The following WAPL variants were observed in gnomAD, a reference collection of about 807,000 sequenced individuals.
WAPL encodes WAPL cohesin release factor.
WAPL carries 5 observed loss-of-function variants against 121.0 expected under a neutral mutation model. That is an observed-to-expected ratio of 0.04 (90% confidence interval 0.02 to 0.09). The LOEUF (loss-of-function observed/expected upper bound fraction) is 0.09. Among genes scored for constraint, WAPL ranks in the 10% least tolerant of loss-of-function variants. The pLI, the probability that WAPL is intolerant of heterozygous loss-of-function variation, is 1.00. For synonymous variants in WAPL, 480 were observed against 481.5 expected (o/e 1.00, Z 0.04); for missense variants, 999 against 1,410.8 (o/e 0.71, Z 4.68).
chr10:86,442,834 T>C (rs534722194), intron 17 of WAPL, among the ~76,000 whole-genome samples: 48 of 152,202 alleles, frequency 3.2e-4, no homozygotes, highest in African/African-American at 1.2e-3. Flanking sequence ...GGTCAGGAGA[T>C]TGAGACCAAC....
Position 86,466,708 on chromosome 10 carries a change from CT to C in WAPL, c.2370+570del, listed in dbSNP as rs895086532. ...TTCCTAATATACATGTAGTTTCTAC[CT>C]TTTTTTTGAGACAATCTCACTCTGT... On this transcript the variant is annotated intron_variant, in intron 9 of 18. Transcript: ENST00000298767. Among the ~76,000 whole-genome samples, 7 of 151,626 alleles carry C rather than the reference CT, an allele frequency of 4.6e-5. No individual in the cohort carries two copies. In the South Asian group the frequency reaches 1.5e-3, roughly 32 times the overall value.
At chr10:86,450,597 A>T (rs1840956635) in intron 15 of WAPL, among the ~76,000 whole-genome samples, 1 of 152,208 alleles carries the variant, frequency 6.6e-6, no homozygotes, top group Admixed American at 6.5e-5. Context: ...GGTAGGTGCC[A>T]AACATTTTCA....
intron 12 of WAPL, among the ~76,000 whole-genome samples, chr10:86,454,377 C>T (rs1375928205): frequency 2.0e-5 from 3 of 152,096 alleles, no homozygotes; most frequent in Non-Finnish European, 4.4e-5. Flanking sequence ...TCTCCCTCTC[C>T]CTCCACAATC....
Position 86,521,380 on chromosome 10 carries a change from G to A in WAPL, c.-38C>T, listed in dbSNP as rs548794095. On this transcript the variant is annotated 5_prime_UTR_variant, in exon 1 of 19. Transcript: ENST00000298767. ...CCTCACTTACCCTCGGAGCCTGGCG[G>A]GTGCTTTGGCCACGGGCCGCCTCCG... The A allele has an allele frequency of 6.3e-4, 178 of 284,550 alleles. No homozygotes were observed. In the Middle Eastern group the frequency reaches 0.01, roughly 16 times the overall value. 17.6% of individuals were successfully genotyped at this position (284,550 alleles called of 1,614,324 possible).
intron 4 of WAPL, among the ~76,000 whole-genome samples, chr10:86,482,632 A>C (rs1184099722): frequency 2.0e-5 from 3 of 152,230 alleles, no homozygotes; most frequent in Non-Finnish European, 4.4e-5. Context: ...AGTTTTCACA[A>C]AATGATGGGG....
At chr10:86,494,376 A>G (rs1420242644) in intron 4 of WAPL, among the ~76,000 whole-genome samples, 1 of 152,216 alleles carries the variant, frequency 6.6e-6, no homozygotes, top group Non-Finnish European at 1.5e-5. Flanking sequence ...TCTTTACTGG[A>G]AAGATCGACA....
intron 4 of WAPL, among the ~76,000 whole-genome samples, chr10:86,476,550 A>C (rs1239454970): frequency 2.6e-5 from 4 of 151,906 alleles, no homozygotes; most frequent in African/African-American, 9.7e-5. Flanking sequence ...TTAGCCAGGC[A>C]TGGTGGTGAG....
At position 86,453,281 on chromosome 10, in the gene WAPL, T is replaced by C; in HGVS notation, c.2888A>G (p.Asn963Ser). The stretch of plus-strand genomic sequence containing the variant: ...GTACTTTGGAACCTGAAGCACACAG[T>C]TCAGCGCTGTGCCTATGAGACCGTC... Reference protein sequence around the residue: ...EQDGLIGTALNCVLQVPKYLP... With the variant: ...EQDGLIGTALSCVLQVPKYLP... The change falls in exon 14 of 19, where the codon AAC (asparagine) becomes AGC (serine). Residue 963 changes from asparagine to serine, a missense_variant. Asn to Ser is a conservative substitution (Grantham distance 46, BLOSUM62 1). Transcript: ENST00000298767. The C allele has an allele frequency of 1.2e-6, 2 of 1,614,154 alleles. No individual in the cohort carries two copies. Among genetic ancestry groups the C allele is most frequent in the Non-Finnish European group, 1.7e-6 (2 of 1,180,028 alleles).
intron 2 of WAPL, among the ~76,000 whole-genome samples, chr10:86,507,884 T>C (rs1043045485): frequency 3.3e-5 from 5 of 152,284 alleles, no homozygotes; most frequent in Middle Eastern, 3.4e-3. Context: ...TTCCACAGTC[T>C]ATCTTCTCAA....
At chr10:86,438,068 C>T in intron 17 of WAPL, 53 bp from the exon 18 acceptor site, 21 of 1,324,976 alleles carry the variant, frequency 1.6e-5, no homozygotes, top group Non-Finnish European at 2.2e-5. Context: ...CATGAGATTG[C>T]ACCTCGTACA....
intron 4 of WAPL, 85 bp downstream of exon 4, chr10:86,497,116 A>T: frequency 9.2e-7 from 1 of 1,092,158 alleles, no homozygotes; most frequent in Non-Finnish European, 1.3e-6. Flanking sequence ...TATGATGTTT[A>T]TTAGTAACTT....
rs1284707930 is a variant in WAPL at position 86,521,540 on chromosome 10, G to T, written c.-198C>A. On this transcript the variant is annotated 5_prime_UTR_variant, in exon 1 of 19. Coordinates refer to ENST00000298767, the MANE Select transcript of WAPL (RefSeq NM_015045.5). ...GAAGCCCGGTTGGGGGGGCAGGAGC[G>T]GCGGCCCCGCAACTTCCCTCCCCGC... is the stretch of plus-strand genomic sequence containing the variant. The T allele has an allele frequency of 5.3e-6, 2 of 374,048 alleles. No homozygotes were observed. The highest frequency in any genetic ancestry group is 2.4e-4 in the East Asian group (2 of 8,316). 23.2% of individuals were successfully genotyped at this position (374,048 alleles called of 1,614,324 possible). A position where few individuals can be genotyped will look rare whatever the true frequency, so the allele number is the denominator to read the frequency against.
intron 4 of WAPL, among the ~76,000 whole-genome samples, chr10:86,487,826 C>T (rs531532532): frequency 1.3e-5 from 2 of 152,166 alleles, no homozygotes; most frequent in African/African-American, 2.4e-5. Flanking sequence ...ACCTGGGAGG[C>T]GGAGCTTGCA....
chr10:86,446,136 AAGCAAT>A, intron 16 of WAPL, 100 bp downstream of exon 16: 1 of 1,269,836 alleles, frequency 7.9e-7, no homozygotes, highest in Non-Finnish European at 1.1e-6. Flanking sequence ...AGAGGTCCTC[AAGCAAT>A]AGCCAGATTA....
chr10:86,514,953 T>G (rs1385004106), intron 2 of WAPL, among the ~76,000 whole-genome samples: 1 of 152,148 alleles, frequency 6.6e-6, no homozygotes, highest in Non-Finnish European at 1.5e-5. Flanking sequence ...CACTGTAGAT[T>G]ATCTGAAAAC....
intron 2 of WAPL, among the ~76,000 whole-genome samples, chr10:86,515,350 C>T (rs1398510533): frequency 6.6e-6 from 1 of 151,728 alleles, no homozygotes; most frequent in Non-Finnish European, 1.5e-5. Flanking sequence ...AGTGGTTTGA[C>T]GGACAGTAGG....
At position 86,500,491 on chromosome 10, in the gene WAPL, C is replaced by T; in HGVS notation, c.752G>A (p.Cys251Tyr). The change falls in exon 3 of 19, where the codon TGT becomes TAT. Residue 251 changes from cysteine (C) to tyrosine (Y), a missense_variant. Transcript: ENST00000298767. ...NDFEDIRSED[C>Y]ILSLDSDPLL... is the part of the protein sequence containing the mutation. ...GGGATCACTATCCAAACTTAAAATA[C>T]AGTCTTCTGATCTGATATCTTCAAA... is the stretch of plus-strand genomic sequence containing the variant. 1 of 1,614,178 alleles carries T rather than the reference C, an allele frequency of 6.2e-7. No individual in the cohort carries two copies. Among genetic ancestry groups the T allele is most frequent in the South Asian group, 1.1e-5 (1 of 91,084 alleles).
chr10:86,447,569 G>C (rs1849654152), intron 15 of WAPL, among the ~76,000 whole-genome samples: 1 of 152,086 alleles, frequency 6.6e-6, no homozygotes, highest in Non-Finnish European at 1.5e-5. Context: ...ATCTTGGCAA[G>C]AGTATGAAAG....
At chr10:86,485,483 G>A (rs889212118) in intron 4 of WAPL, among the ~76,000 whole-genome samples, 12 of 152,068 alleles carry the variant, frequency 7.9e-5, no homozygotes, top group African/African-American at 2.9e-4. Context: ...ATTGCAGTGA[G>A]CTGAGACTGC....
Sources: gnomAD v4.1 joint callset for allele counts (sites outside exome capture counted in the v4.1 genomes callset) on GRCh38, gnomAD v4.1.1 for gene constraint, MANE v1.5 for transcripts, NCBI Gene and HGNC (gene_info 2026-07-23, HGNC 2026-07-21) for gene names.